Variants in HMBOX1 observed in about 807,000 individuals in gnomAD.
HMBOX1 encodes homeobox-containing protein 1.
A neutral mutation model predicts 54.5 loss-of-function variants in HMBOX1; 14 were observed. The observed-to-expected ratio is 0.26, with a 90% CI of 0.17 to 0.40. The LOEUF is 0.40. Among genes scored for constraint, HMBOX1 ranks in the 10% least tolerant of loss-of-function variants. The pLI is 1.00. For missense variants in HMBOX1, 332 were observed against 514.4 expected (o/e 0.65, Z 3.43); for synonymous variants, 160 against 181.0 (o/e 0.88, Z 0.93).
At chr8:29,035,724 A>C (rs1351925736) in intron 6 of HMBOX1, among the ~76,000 whole-genome samples, 1 of 152,230 alleles carries the variant, frequency 6.6e-6, no homozygotes, top group Non-Finnish European at 1.5e-5. Context: ...CCTCTTGTGC[A>C]TGTTCTTTTT....
intron 5 of HMBOX1, chr8:29,009,584 T>C: frequency 1.0e-6 from 1 of 986,510 alleles, no homozygotes; most frequent in South Asian, 2.7e-5. Flanking sequence ...TTTAATATTT[T>C]TATTTAATTC....
chr8:28,932,170 A>T (rs1368882184), intron 1 of HMBOX1, among the ~76,000 whole-genome samples: 7 of 152,222 alleles, frequency 4.6e-5, no homozygotes, highest in Non-Finnish European at 1.0e-4. Flanking sequence ...AAAAGGAGGA[A>T]TGGGCTTGGG....
At chr8:28,940,151 TCATGTGCCACCA>T (rs1434584049) in intron 1 of HMBOX1, among the ~76,000 whole-genome samples, 4 of 152,106 alleles carry the variant, frequency 2.6e-5, no homozygotes, top group Non-Finnish European at 5.9e-5. Context: ...AAGATTACAT[TCATGTGCCACCA>T]CACCTGGTTA....
chr8:28,987,760 G>T (rs1449467827), intron 4 of HMBOX1, among the ~76,000 whole-genome samples: 1 of 152,134 alleles, frequency 6.6e-6, no homozygotes, highest in African/African-American at 2.4e-5. Flanking sequence ...ACAGCTGAGG[G>T]CCTTGATACC....
At chr8:29,002,469 A>T (rs1202479157) in intron 4 of HMBOX1, among the ~76,000 whole-genome samples, 1 of 152,180 alleles carries the variant, frequency 6.6e-6, no homozygotes, top group African/African-American at 2.4e-5. Context: ...AGGTAGTAAG[A>T]CCAGAAGGAT....
In HMBOX1 at chr8:28,911,596, T is replaced by G. The variant is rs144422304; in HGVS notation, c.-58+20918T>G. ...ATCTTGAACTTCTGACCTCAAATGA[T>G]CCACCCACCTCGGCCTCCCAAAATG... On this transcript the variant is annotated intron_variant, in intron 1 of 9. Transcript: ENST00000287701. Among the ~76,000 whole-genome samples, 871 of 152,228 alleles carry G rather than the reference T, an allele frequency of 5.7e-3. 4 individuals carry two copies. Among genetic ancestry groups the G allele is most frequent in the African/African-American group, 0.02 (846 of 41,536 alleles).
chr8:28,981,463 T>C (rs1829332497), intron 4 of HMBOX1, among the ~76,000 whole-genome samples: 1 of 152,254 alleles, frequency 6.6e-6, no homozygotes, highest in Non-Finnish European at 1.5e-5. Context: ...AAGCAGGTTT[T>C]AGTGAAACTC....
At chr8:28,946,291 G>A (rs759547797) in intron 1 of HMBOX1, among the ~76,000 whole-genome samples, 7 of 152,010 alleles carry the variant, frequency 4.6e-5, no homozygotes, top group South Asian at 2.1e-4. Context: ...TTGCCCAGGC[G>A]TGGTGGGTGG....
chr8:28,910,882 C>T (rs528971395), intron 1 of HMBOX1, among the ~76,000 whole-genome samples: 1 of 152,280 alleles, frequency 6.6e-6, no homozygotes, highest in Non-Finnish European at 1.5e-5. Flanking sequence ...AATTCATGCT[C>T]ATTTTAAAGA....
chr8:28,986,468 C>G (rs953236899), intron 4 of HMBOX1, among the ~76,000 whole-genome samples: 2 of 152,180 alleles, frequency 1.3e-5, no homozygotes, highest in Non-Finnish European at 2.9e-5. Context: ...AAATAATTAT[C>G]TTGCTTATTT....
chr8:28,908,582 C>T (rs1456795980), intron 1 of HMBOX1, among the ~76,000 whole-genome samples: 1 of 152,130 alleles, frequency 6.6e-6, no homozygotes, highest in Non-Finnish European at 1.5e-5. Context: ...TGGCCAAACC[C>T]TGTCTCTACC....
At chr8:29,035,997 T>C (rs1169577803) in intron 6 of HMBOX1, among the ~76,000 whole-genome samples, 1 of 152,182 alleles carries the variant, frequency 6.6e-6, no homozygotes, top group Non-Finnish European at 1.5e-5. Context: ...AAACCTCTAA[T>C]ATGGTAAGCA....
intron 1 of HMBOX1, among the ~76,000 whole-genome samples, chr8:28,917,492 C>T (rs532798127): frequency 2.0e-5 from 3 of 152,026 alleles, no homozygotes; most frequent in South Asian, 2.1e-4. Flanking sequence ...AATCACATTG[C>T]GTATGAATAG....
At chr8:28,899,471 TCATTCATCCCTGA>T (rs1317810892) in intron 1 of HMBOX1, among the ~76,000 whole-genome samples, 2 of 152,204 alleles carry the variant, frequency 1.3e-5, no homozygotes, top group Non-Finnish European at 2.9e-5. Flanking sequence ...TTAGCAAATG[TCATTCATCCCTGA>T]CAAGAAAATT....
intron 1 of HMBOX1, among the ~76,000 whole-genome samples, chr8:28,942,239 C>T (rs1418243771): frequency 6.6e-6 from 1 of 152,188 alleles, no homozygotes; most frequent in African/African-American, 2.4e-5. Context: ...TCTGCTCACC[C>T]CTTCACCCGC....
Position 29,009,194 on chromosome 8 carries a change from T to C in HMBOX1, c.697+12T>C. The stretch of plus-strand genomic sequence containing the variant: ...GAAGACAAACCCTGGTAAATAGCAT[T>C]TCCTTTTATTTATTGCATCTGAAAC... On this transcript the variant is annotated intron_variant, in intron 5 of 9. Coordinates refer to ENST00000287701, the MANE Select transcript of HMBOX1 (RefSeq NM_001135726.3). The C allele has an allele frequency of 1.3e-6, 2 of 1,575,790 alleles. No homozygotes were observed. Among genetic ancestry groups the C allele is most frequent in the Non-Finnish European group, 1.7e-6 (2 of 1,145,584 alleles).
At chr8:29,006,139 C>G (rs2132795679) in intron 4 of HMBOX1, among the ~76,000 whole-genome samples, 1 of 151,924 alleles carries the variant, frequency 6.6e-6, no homozygotes, top group Admixed American at 6.6e-5. Flanking sequence ...ACTACAGGCA[C>G]ACACCACCAT....
chr8:28,926,638 G>A (rs1384413619), intron 1 of HMBOX1, among the ~76,000 whole-genome samples: 1 of 152,158 alleles, frequency 6.6e-6, no homozygotes, highest in African/African-American at 2.4e-5. Context: ...CAGTGGCGCA[G>A]TCATTGTTAA....
intron 5 of HMBOX1, among the ~76,000 whole-genome samples, chr8:29,017,016 G>C (rs1300642050): frequency 1.3e-5 from 2 of 152,218 alleles, no homozygotes; most frequent in Admixed American, 1.3e-4. Context: ...CCTGTGCTGG[G>C]ACTGAATGTC....
Sources: gnomAD v4.1 joint callset for allele counts (sites outside exome capture counted in the v4.1 genomes callset) on GRCh38, gnomAD v4.1.1 for gene constraint, MANE v1.5 for transcripts, NCBI Gene and HGNC (gene_info 2026-07-23, HGNC 2026-07-21) for gene names.